ACP5: variants seen among roughly 807,000 people sequenced by gnomAD.
ACP5 encodes the protein tartrate-resistant acid phosphatase type 5.
Under a neutral mutation model 28.7 loss-of-function variants are expected in ACP5, and 24 were observed. The ratio of observed to expected loss-of-function variants is 0.84; its 90% CI spans 0.61 to 1.18. ACP5 has a LOEUF of 1.18. ACP5 is among the 50% of genes most tolerant of loss of function. The pLI is 0.00. For missense variants in ACP5, 354 were observed against 422.2 expected, an observed-to-expected ratio of 0.84 and a Z score of 1.42; for synonymous variants, 154 against 181.4, an observed-to-expected ratio of 0.85 and a Z score of 1.21.
upstream of ACP5, chr19:11,578,634 G>C (rs1394906842): frequency 6.5e-6 from 1 of 152,710 alleles, no homozygotes; most frequent in African/African-American, 2.4e-5. Flanking sequence ...ACGTCCCGCG[G>C]ACATTCAGGA....
In ACP5 at chr19:11,576,293, C is replaced by A; in HGVS notation, c.685G>T (p.Ala229Ser). ...AGGTAGGCAGTGACCCCGTATGTGGCCAGCAGTGGCCGTAGCTGCTTGACC... is the reference window on the plus strand; with the variant it reads ...AGGTAGGCAGTGACCCCGTATGTGGACAGCAGTGGCCGTAGCTGCTTGACC... Reference protein sequence around the residue: ...CLVKQLRPLLATYGVTAYLCG... With the variant: ...CLVKQLRPLLSTYGVTAYLCG... The change falls in exon 4 of 5, where the codon GCC becomes TCC. Residue 229 changes from alanine to serine, a missense_variant. Ala to Ser is a moderately conservative substitution (Grantham distance 99, BLOSUM62 1). Transcript: ENST00000648477. The A allele has an allele frequency of 6.2e-7, 1 of 1,610,796 alleles. No individual in the cohort carries two copies. The highest frequency in any genetic ancestry group is 8.5e-7 in the Non-Finnish European group (1 of 1,179,974).
chr19:11,575,577 G>A (rs1032754613), intron 4 of ACP5: 5 of 369,948 alleles, frequency 1.4e-5, no homozygotes, highest in African/African-American at 1.0e-4. Context: ...ATGCGCAAGG[G>A]CCAGGTGCAG....
Position 11,576,250 on chromosome 19 carries a change from T to C in ACP5, c.728A>G (p.Asn243Ser), listed in dbSNP as rs1180299968. 17 of 1,605,798 alleles carry C rather than the reference T, an allele frequency of 1.1e-5. No individual in the cohort carries two copies. In the East Asian group the frequency reaches 3.8e-4, roughly 36 times the overall value. Residue 243 changes from asparagine (N) to serine (S), a missense_variant, in exon 4 of 5, where the codon AAT (asparagine) becomes AGT (serine). Coordinates refer to ENST00000648477, the MANE Select transcript of ACP5 (RefSeq NM_001611.5). ...VTAYLCGHDH[N>S]LQYLQDENGV... ...CACCCACAGGGCCCTCACCTGCAGATTGTGATCGTGGCCGCACAGGTAGGC... is the reference window on the plus strand; with the variant it reads ...CACCCACAGGGCCCTCACCTGCAGACTGTGATCGTGGCCGCACAGGTAGGC...
upstream of ACP5, chr19:11,578,162 C>T (rs1369790832): frequency 1.3e-5 from 2 of 152,718 alleles, no homozygotes; most frequent in Non-Finnish European, 2.9e-5. Context: ...GCGATGCACG[C>T]CTGTGTTCTC....
chr19:11,577,625 T>C lies in ACP5; in HGVS notation c.-33A>G. 2.0e-6 allele frequency: 1 copy of C among 505,296 alleles called. No individual in the cohort carries two copies. Among genetic ancestry groups the C allele is most frequent in the Non-Finnish European group, 3.6e-6 (1 of 276,166 alleles). The allele number at this position is 505,296 out of a possible 1,614,324, so 31.3% of individuals were successfully genotyped here. A position where few individuals can be genotyped will look rare whatever the true frequency, so the allele number is the denominator to read the frequency against. On this transcript the variant is annotated 5_prime_UTR_variant, in exon 1 of 5. Transcript: ENST00000648477. This position sits in a 1 kb window ranked among gnomAD's most constrained non-coding sequence, Gnocchi z 5.7. ...GAGACACAGGCCAGTCACCGGAGGC[T>C]CTGAGAGGCTGGTGGGCTCTAGAGT...
intron 4 of ACP5, 193 bp from the exon 5 acceptor site, chr19:11,575,445 C>T: frequency 3.0e-6 from 2 of 671,024 alleles, no homozygotes; most frequent in Middle Eastern, 4.1e-4. Context: ...AATTGGTGGC[C>T]AGGTGTGGTG....
chr19:11,575,119 C>G lies in ACP5; in HGVS notation c.869G>C (p.Gly290Ala), dbSNP rs201276767. The G allele has an allele frequency of 6.2e-7, 1 of 1,614,230 alleles. No individual in the cohort carries two copies. The highest frequency in any genetic ancestry group is 2.2e-5 in the East Asian group (1 of 44,888). Reference sequence around the variant, plus strand: ...GCTGATCTCCACATAGGCAAAGCCACCCAGTGAGTCTTCAGTCCCATAGTG... The same window carrying G: ...GCTGATCTCCACATAGGCAAAGCCAGCCAGTGAGTCTTCAGTCCCATAGTG... ...RFHYGTEDSL[G>A]GFAYVEISSK... The change falls in exon 5 of 5, where the codon GGT becomes GCT. Residue 290 changes from glycine to alanine, a missense_variant. Transcript: ENST00000648477.
At chr19:11,576,895 G>C (rs753558356) in intron 2 of ACP5, 52 bp from the exon 3 acceptor site, 1 of 1,613,270 alleles carries the variant, frequency 6.2e-7, no homozygotes, top group African/African-American at 1.3e-5. Context: ...TGGCTATGCC[G>C]ATCCTCCCAC....
rs145265651 is a variant in ACP5, at chr19:11,575,017, C to T, written c.971G>A (p.Arg324Lys). 31 of 1,614,066 alleles carry T rather than the reference C, an allele frequency of 1.9e-5. No homozygotes were observed. In the African/African-American group the frequency reaches 3.5e-4, roughly 18 times the overall value. ...CTGGGCAGTCATGGGAGTTCAGGGC[C>T]TGGCTCGCCTCGGCAGCCTGGTCTT... ...LFKTRLPRRA[R>K]P is the part of the protein sequence containing the mutation. The change falls in exon 5 of 5, where the codon AGG (arginine) becomes AAG (lysine). Residue 324 changes from arginine to lysine, a missense_variant. By Grantham distance (26) the Arg-to-Lys change is conservative. Coordinates refer to ENST00000648477, the MANE Select transcript of ACP5 (RefSeq NM_001611.5).
Position 11,574,757 on chromosome 19 carries a change from G to A in ACP5, c.*253C>T, listed in dbSNP as rs904732534. The A allele has an allele frequency of 6.2e-5, 21 of 338,778 alleles. No individual in the cohort carries two copies. The highest frequency in any genetic ancestry group is 8.7e-5 in the Non-Finnish European group (15 of 172,284). The allele number at this position is 338,778 out of a possible 1,614,324, so 21.0% of individuals were successfully genotyped here. On this transcript the variant is annotated 3_prime_UTR_variant, in exon 5 of 5. Coordinates refer to ENST00000648477, the MANE Select transcript of ACP5 (RefSeq NM_001611.5). ...CTCCCTCCCTCCCCCATTGCACCCCGGAACTCAGCAAAGGTGAGCCAGCCA... is the reference window on the plus strand; with the variant it reads ...CTCCCTCCCTCCCCCATTGCACCCCAGAACTCAGCAAAGGTGAGCCAGCCA...
chr19:11,577,343 T>TG lies in ACP5; in HGVS notation c.1-27dup. The TG allele has an allele frequency of 6.2e-7, 1 of 1,609,182 alleles. No homozygotes were observed. Among genetic ancestry groups the TG allele is most frequent in the South Asian group, 1.1e-5 (1 of 90,422 alleles). On this transcript the variant is annotated intron_variant, in intron 1 of 4. Transcript: ENST00000648477. This position sits in a 1 kb window ranked among gnomAD's most constrained non-coding sequence, Gnocchi z 5.7. Reference sequence around the variant, plus strand: ...CTGGGAGAAGAGAGACAAGCATAGGTGGCCCGGGCTGTGACAAGGGCAGGG... The same window carrying TG: ...CTGGGAGAAGAGAGACAAGCATAGGTGGGCCCGGGCTGTGACAAGGGCAGGG...
In ACP5 at chr19:11,576,462, A is replaced by T. The variant is rs887425978; in HGVS notation, c.516T>A (p.Pro172=). ...GNSDDFLSQQ[P]ERPRDVKLAR... Reference sequence around the variant, plus strand: ...CCAGCTTCACGTCTCGGGGCCTCTCAGGCTGCTGGCTGAGGAAGTCATCTG... The same window carrying T: ...CCAGCTTCACGTCTCGGGGCCTCTCTGGCTGCTGGCTGAGGAAGTCATCTG... The change falls in exon 4 of 5, where the codon CCT becomes CCA. Residue 172 remains proline (P), a synonymous_variant. Transcript: ENST00000648477. 2.5e-6 allele frequency: 4 copies of T among 1,613,728 alleles called. No individual in the cohort carries two copies. The highest frequency in any genetic ancestry group is 3.4e-6 in the Non-Finnish European group (4 of 1,179,774).
In ACP5 at chr19:11,576,281, C is replaced by T; in HGVS notation, c.697G>A (p.Val233Ile). ...TCGTGGCCGCACAGGTAGGCAGTGACCCCGTATGTGGCCAGCAGTGGCCGT... is the reference window on the plus strand; with the variant it reads ...TCGTGGCCGCACAGGTAGGCAGTGATCCCGTATGTGGCCAGCAGTGGCCGT... ...QLRPLLATYGVTAYLCGHDHN... is the reference protein window; with the variant it reads ...QLRPLLATYGITAYLCGHDHN... The change falls in exon 4 of 5, where the codon GTC (valine) becomes ATC (isoleucine). Residue 233 changes from valine to isoleucine, a missense_variant. Coordinates refer to ENST00000648477, the MANE Select transcript of ACP5 (RefSeq NM_001611.5). 1 of 1,610,078 alleles carries T rather than the reference C, an allele frequency of 6.2e-7. No individual in the cohort carries two copies. Among genetic ancestry groups the T allele is most frequent in the South Asian group, 1.1e-5 (1 of 91,046 alleles).
chr19:11,575,139 A>G lies in ACP5; in HGVS notation c.849T>C (p.Tyr283=). The change falls in exon 5 of 5, where the codon TAT becomes TAC. Residue 283 remains tyrosine, a synonymous_variant. Coordinates refer to ENST00000648477, the MANE Select transcript of ACP5 (RefSeq NM_001611.5). The part of the protein sequence containing the change: ...KVPNGYLRFH[Y]GTEDSLGGFA... The stretch of plus-strand genomic sequence containing the variant: ...AGCCACCCAGTGAGTCTTCAGTCCC[A>G]TAGTGGAAGCGCAGATAGCCGTTGG... The G allele has an allele frequency of 6.2e-7, 1 of 1,614,186 alleles. No homozygotes were observed. Among genetic ancestry groups the G allele is most frequent in the Non-Finnish European group, 8.5e-7 (1 of 1,180,030 alleles).
chr19:11,577,757 T>C (rs1973228695), upstream of ACP5: 1 of 272,688 alleles, frequency 3.7e-6, no homozygotes, highest in South Asian at 3.9e-5. The surrounding 1 kb of genome is among the most constrained non-coding windows in gnomAD (Gnocchi z 5.7). Context: ...CCTTGGGTCA[T>C]GTGAGCCCTG....
At position 11,576,237 on chromosome 19, in the gene ACP5, C is replaced by T; in HGVS notation, c.735+6G>A. 6.2e-7 allele frequency: 1 copy of T among 1,603,550 alleles called. No individual in the cohort carries two copies. ...CCAGCTCCCACCCCACCCACAGGGC[C>T]CTCACCTGCAGATTGTGATCGTGGC... On this transcript the variant is annotated splice_donor_region_variant and intron_variant, in intron 4 of 4. Coordinates refer to ENST00000648477, the MANE Select transcript of ACP5 (RefSeq NM_001611.5).
Position 11,576,815 on chromosome 19 carries a change from C to A in ACP5, c.290G>T (p.Arg97Leu). The A allele has an allele frequency of 6.2e-7, 1 of 1,614,048 alleles. No individual in the cohort carries two copies. Among genetic ancestry groups the A allele is most frequent in the Non-Finnish European group, 8.5e-7 (1 of 1,180,004 alleles). Residue 97 changes from arginine to leucine, a missense_variant, in exon 3 of 5, where the codon CGC (arginine) becomes CTC (leucine). Physicochemically the swap from Arg to Leu is moderately radical, Grantham distance 102. Transcript: ENST00000648477. ...QETFEDVFSD[R>L]SLRKVPWYVL... is the part of the protein sequence containing the mutation. ...GTACCAGGGCACTTTGCGAAGGGAG[C>A]GGTCAGAGAATACGTCCTCAAAGGT...
In ACP5 at chr19:11,575,154, ATAG is replaced by A. The variant is rs387906671; in HGVS notation, c.831_833del (p.Tyr278del). The A allele has an allele frequency of 2.5e-6, 4 of 1,614,092 alleles. No homozygotes were observed. The highest frequency in any genetic ancestry group is 8.5e-7 in the Non-Finnish European group (1 of 1,180,054). Reference sequence around the variant, plus strand: ...CTTCAGTCCCATAGTGGAAGCGCAGATAGCCGTTGGGGACCTTGCGCTGGTGCC... The same window carrying A: ...CTTCAGTCCCATAGTGGAAGCGCAGACCGTTGGGGACCTTGCGCTGGTGCC... On this transcript the variant is annotated inframe_deletion, in exon 5 of 5. Transcript: ENST00000648477.
In ACP5 at chr19:11,576,816, G is replaced by T. The variant is rs1231519014; in HGVS notation, c.289C>A (p.Arg97Ser). 1.2e-6 allele frequency: 2 copies of T among 1,614,056 alleles called. No individual in the cohort carries two copies. The highest frequency in any genetic ancestry group is 1.7e-6 in the Non-Finnish European group (2 of 1,180,018). The change falls in exon 3 of 5, where the codon CGC becomes AGC. Residue 97 changes from arginine to serine, a missense_variant. Transcript: ENST00000648477. The part of the protein sequence containing the change: ...QETFEDVFSD[R>S]SLRKVPWYVL... The stretch of plus-strand genomic sequence containing the variant: ...TACCAGGGCACTTTGCGAAGGGAGC[G>T]GTCAGAGAATACGTCCTCAAAGGTC...
Sources: gnomAD v4.1 joint callset for allele counts on GRCh38, gnomAD v4.1.1 for gene constraint, Gnocchi (gnomAD v3.1) non-coding constraint, MANE v1.5 for transcripts, NCBI Gene and HGNC (gene_info 2026-07-23, HGNC 2026-07-21) for gene names.